TRABD: variants seen among roughly 807,000 people sequenced by gnomAD.
The protein encoded by TRABD is traB domain-containing protein.
TRABD carries 23 observed loss-of-function variants against 39.6 expected under a neutral mutation model. The ratio of observed to expected loss-of-function variants is 0.58; its 90% CI spans 0.42 to 0.82. The LOEUF (loss-of-function observed/expected upper bound fraction) is 0.82. Among genes scored for constraint, TRABD ranks in the 40% least tolerant of loss-of-function variants. The pLI is 0.00. For synonymous variants in TRABD, 243 were observed against 232.1 expected (o/e 1.05, Z -0.43); for missense variants, 487 against 544.9 (o/e 0.89, Z 1.06).
intron 4 of TRABD, 63 bp from the exon 5 acceptor site, chr22:50,194,837 G>T: frequency 6.4e-7 from 1 of 1,571,362 alleles, no homozygotes; most frequent in Non-Finnish European, 8.6e-7. Flanking sequence ...TGGTGCTGGC[G>T]TCAGCTGTGC....
Position 50,194,479 on chromosome 22 carries a change from C to A in TRABD, c.252C>A (p.Ser84Arg). Residue 84 changes from serine to arginine, a missense_variant, in exon 4 of 10, where the codon AGC (serine) becomes AGA (arginine). Coordinates refer to ENST00000380909, the MANE Select transcript of TRABD (RefSeq NM_001320485.2). ...ACGTGGTGGGGACAGCCCACTTCAG[C>A]GACGACAGCAAGAGGGACGTTGTGA... Reference protein sequence around the residue: ...RVYVVGTAHFSDDSKRDVVKT... With the variant: ...RVYVVGTAHFRDDSKRDVVKT... The A allele has an allele frequency of 6.3e-7, 1 of 1,597,502 alleles. No homozygotes were observed. The highest frequency in any genetic ancestry group is 1.3e-5 in the African/African-American group (1 of 74,626).
At chr22:50,194,082 C>T (rs1288567256) in intron 3 of TRABD, among the ~76,000 whole-genome samples, 3 of 152,214 alleles carry the variant, frequency 2.0e-5, no homozygotes, top group East Asian at 3.9e-4. Context: ...CCCCCAAGGT[C>T]GCCCTCATGG....
Position 50,199,540 on chromosome 22 carries a change from C to G in TRABD, c.*1021C>G, listed in dbSNP as rs2147151313. On this transcript the variant is annotated 3_prime_UTR_variant, in exon 10 of 10. Transcript: ENST00000380909. ...GCGTCAGGAGCCGGCTGTGTCCTTC[C>G]TGCCACACTCGGGGATTCATTCCTT... 1 of 170,592 alleles carries G rather than the reference C, an allele frequency of 5.9e-6. No individual in the cohort carries two copies. Among genetic ancestry groups the G allele is most frequent in the South Asian group, 1.9e-4 (1 of 5,390 alleles). The allele number at this position is 170,592 out of a possible 1,614,324, so 10.6% of individuals were successfully genotyped here.
At position 50,198,056 on chromosome 22, in the gene TRABD, C is replaced by T. The variant is rs2064185712; in HGVS notation, c.845-19C>T. On this transcript the variant is annotated intron_variant, in intron 8 of 9. Coordinates refer to ENST00000380909, the MANE Select transcript of TRABD (RefSeq NM_001320485.2). The surrounding 1 kb of genome is among the most constrained non-coding windows in gnomAD (Gnocchi z 7.9). Reference sequence around the variant, plus strand: ...GGCTGAGGCCCGAGCAGGTACTGACCCCTTGTCCTTCCCCACAGCCGAGCC... The same window carrying T: ...GGCTGAGGCCCGAGCAGGTACTGACTCCTTGTCCTTCCCCACAGCCGAGCC... 2 of 1,612,216 alleles carry T rather than the reference C, an allele frequency of 1.2e-6. No individual in the cohort carries two copies. Among genetic ancestry groups the T allele is most frequent in the Non-Finnish European group, 8.5e-7 (1 of 1,179,530 alleles).
rs1035626803 is a variant in TRABD, at chr22:50,190,030, G to A, written c.-34-2997G>A. Among the ~76,000 whole-genome samples, 7 of 152,246 alleles carry A rather than the reference G, an allele frequency of 4.6e-5. 1 individual carries two copies. In the East Asian group the frequency reaches 9.6e-4, roughly 21 times the overall value. ...CAGCTGCCTGGGAGCAGACTAGAGGGAGGAGGGCTGGTAACCTGAAATCAC... is the reference window on the plus strand; with the variant it reads ...CAGCTGCCTGGGAGCAGACTAGAGGAAGGAGGGCTGGTAACCTGAAATCAC... On this transcript the variant is annotated intron_variant, in intron 1 of 9. Transcript: ENST00000380909.
At chr22:50,197,763 A>AGGGCCCCCCCCCCCCCCCCCCCTG in intron 7 of TRABD, 60 bp from the exon 8 acceptor site, 1 of 1,439,784 alleles carries the variant, frequency 6.9e-7, no homozygotes, top group South Asian at 1.1e-5. Context: ...CCACAGTGCC[A>AGGGCCCCCCCCCCCCCCCCCCCTG]GCCCCACCCC....
chr22:50,187,705 T>C (rs895585975), intron 1 of TRABD, among the ~76,000 whole-genome samples: 1 of 152,042 alleles, frequency 6.6e-6, no homozygotes. Flanking sequence ...CTGGGCTGGG[T>C]GTGGTGGTTC....
In TRABD at chr22:50,190,681, C is replaced by G. The variant is rs1264616129; in HGVS notation, c.-34-2346C>G. On this transcript the variant is annotated intron_variant, in intron 1 of 9. Transcript: ENST00000380909. ...TCCCCCGTGCGCCCCGGCAGTCTTG[C>G]GCTGCTCCTAAGAGTTCTGGCTTGT... 5.9e-5 allele frequency: 9 copies of G among 152,646 alleles called. No individual in the cohort carries two copies. The East Asian group carries it at 1.7e-3, about 29-fold the overall frequency. 9.5% of individuals were successfully genotyped at this position (152,646 alleles called of 1,614,324 possible).
intron 2 of TRABD, 119 bp downstream of exon 2, chr22:50,193,212 C>T: frequency 7.9e-7 from 1 of 1,262,562 alleles, no homozygotes; most frequent in Non-Finnish European, 1.1e-6. Context: ...CAGGGTTCTC[C>T]AGGGTCAGGC....
intron 4 of TRABD, 126 bp downstream of exon 4, chr22:50,194,632 C>T: frequency 1.4e-6 from 2 of 1,428,182 alleles, no homozygotes; most frequent in Non-Finnish European, 1.9e-6. Flanking sequence ...TGCTTCAACA[C>T]TGTGGTCCCT....
At position 50,194,498 on chromosome 22, in the gene TRABD, G is replaced by A. The variant is rs1274596205; in HGVS notation, c.271G>A (p.Val91Ile). 5 of 1,573,116 alleles carry A rather than the reference G, an allele frequency of 3.2e-6. No homozygotes were observed. Among genetic ancestry groups the A allele is most frequent in the South Asian group, 2.3e-5 (2 of 86,376 alleles). The change falls in exon 4 of 10, where the codon GTT becomes ATT. Residue 91 changes from valine to isoleucine, a missense_variant. Transcript: ENST00000380909. ...CTTCAGCGACGACAGCAAGAGGGAC[G>A]TTGTGAAGGTGAGCGCCGCCACCCG... The part of the protein sequence containing the change: ...AHFSDDSKRD[V>I]VKTIREVQPD...
chr22:50,198,307 C>A lies in TRABD; in HGVS notation c.957-38C>A. ...CATGGGGGCTGGGGTATGGGGAGCC[C>A]ACCCCCAGCCAGGCCCAGCGCCCCC... On this transcript the variant is annotated intron_variant, in intron 9 of 9. Transcript: ENST00000380909. This position sits in a 1 kb window ranked among gnomAD's most constrained non-coding sequence, Gnocchi z 7.9. 6.6e-7 allele frequency: 1 copy of A among 1,507,294 alleles called. No homozygotes were observed. The highest frequency in any genetic ancestry group is 9.0e-7 in the Non-Finnish European group (1 of 1,113,242). The allele number at this position is 1,507,294 out of a possible 1,614,324, so 93.4% of individuals were successfully genotyped here.
chr22:50,196,379 G>C (rs73893134), intron 5 of TRABD, among the ~76,000 whole-genome samples: 1 of 152,236 alleles, frequency 6.6e-6, no homozygotes, highest in Non-Finnish European at 1.5e-5. Context: ...GGCCCAGACC[G>C]TCCCTGGGCG....
In TRABD at chr22:50,193,658, C is replaced by T. The variant is rs764464531; in HGVS notation, c.112+4C>T. The T allele has an allele frequency of 5.5e-5, 88 of 1,613,312 alleles. No individual in the cohort carries two copies. Among genetic ancestry groups the T allele is most frequent in the Admixed American group, 2.3e-4 (14 of 60,010 alleles). Reference sequence around the variant, plus strand: ...TCTGGAGACCCCCAGAACCTGTGTACGTGTCCCTCAGGGTCCTGGCACGTT... The same window carrying T: ...TCTGGAGACCCCCAGAACCTGTGTATGTGTCCCTCAGGGTCCTGGCACGTT... On this transcript the variant is annotated splice_donor_region_variant and intron_variant, in intron 3 of 9. Transcript: ENST00000380909.
rs1325994019 is a variant in TRABD at position 50,198,296 on chromosome 22, T to C, written c.957-49T>C. On this transcript the variant is annotated intron_variant, in intron 9 of 9. Coordinates refer to ENST00000380909, the MANE Select transcript of TRABD (RefSeq NM_001320485.2). This position sits in a 1 kb window ranked among gnomAD's most constrained non-coding sequence, Gnocchi z 7.9. ...AGTGACCCAGGCATGGGGGCTGGGGTATGGGGAGCCCACCCCCAGCCAGGC... is the reference window on the plus strand; with the variant it reads ...AGTGACCCAGGCATGGGGGCTGGGGCATGGGGAGCCCACCCCCAGCCAGGC... The C allele has an allele frequency of 1.4e-6, 2 of 1,477,356 alleles. No individual in the cohort carries two copies. Among genetic ancestry groups the C allele is most frequent in the African/African-American group, 1.5e-5 (1 of 68,554 alleles). 91.5% of individuals were successfully genotyped at this position (1,477,356 alleles called of 1,614,324 possible).
chr22:50,197,766 C>CCCCCCCCCCCCCCCCCCGGG, intron 7 of TRABD, 57 bp from the exon 8 acceptor site: 1 of 925,780 alleles, frequency 1.1e-6, no homozygotes, highest in Non-Finnish European at 1.7e-6. Context: ...CAGTGCCAGC[C>CCCCCCCCCCCCCCCCCCGGG]CCACCCCCCC....
chr22:50,198,188 T>G lies in TRABD; in HGVS notation c.956+2T>G. On this transcript the variant is annotated splice_donor_variant, in intron 9 of 9. Coordinates refer to ENST00000380909, the MANE Select transcript of TRABD (RefSeq NM_001320485.2). LOFTEE classifies it high-confidence loss of function. The surrounding 1 kb of genome is among the most constrained non-coding windows in gnomAD (Gnocchi z 7.9). ...CCTCAACATCCAGGAGATCATGACGTGAGTGCCCGCCCCTCCCTGCAAGCC... is the reference window on the plus strand; with the variant it reads ...CCTCAACATCCAGGAGATCATGACGGGAGTGCCCGCCCCTCCCTGCAAGCC... 6.2e-7 allele frequency: 1 copy of G among 1,604,236 alleles called. No individual in the cohort carries two copies. Among genetic ancestry groups the G allele is most frequent in the Non-Finnish European group, 8.5e-7 (1 of 1,176,012 alleles).
intron 1 of TRABD, among the ~76,000 whole-genome samples, chr22:50,188,165 A>AGCTAC (rs2063806525): frequency 6.6e-6 from 1 of 151,914 alleles, no homozygotes; most frequent in Admixed American, 6.6e-5. Context: ...CTGTAATCCC[A>AGCTAC]GCTACTCGGG....
chr22:50,198,845 G>T lies in TRABD; in HGVS notation c.*326G>T. The T allele has an allele frequency of 3.7e-6, 2 of 543,756 alleles. No homozygotes were observed. Among genetic ancestry groups the T allele is most frequent in the Non-Finnish European group, 3.3e-6 (1 of 305,158 alleles). The allele number at this position is 543,756 out of a possible 1,614,324, so 33.7% of individuals were successfully genotyped here. On this transcript the variant is annotated 3_prime_UTR_variant, in exon 10 of 10. Transcript: ENST00000380909. The surrounding 1 kb of genome is among the most constrained non-coding windows in gnomAD (Gnocchi z 7.9). ...GGCGTGCGCTGCCCTCTCAGCCCTG[G>T]TGGCAGGCGGGGGACAATGGCCACT... is the stretch of plus-strand genomic sequence containing the variant.
Sources: allele counts gnomAD v4.1 joint callset (sites outside exome capture counted in the v4.1 genomes callset), GRCh38; gene constraint gnomAD v4.1.1; non-coding constraint Gnocchi (gnomAD v3.1); transcripts MANE v1.5; gene names NCBI Gene and HGNC (gene_info 2026-07-23, HGNC 2026-07-21).